TMEM65: variants seen among roughly 807,000 people sequenced by gnomAD.
TMEM65 encodes transmembrane protein 65.
Under a neutral mutation model 25.4 loss-of-function variants are expected in TMEM65, and 22 were observed. The observed-to-expected ratio is 0.86, with a 90% confidence interval of 0.62 to 1.23. TMEM65 has a LOEUF of 1.23. Ranked by LOEUF, TMEM65 falls within the 50% of genes most tolerant of loss-of-function variation. TMEM65 has a pLI of 0.00. For synonymous variants in TMEM65, 132 were observed against 126.2 expected, an observed-to-expected ratio of 1.05 and a Z score of -0.31; for missense variants, 262 against 308.2, an observed-to-expected ratio of 0.85 and a Z score of 1.12.
chr8:124,337,567 T>A (rs572511724), intron 1 of TMEM65, among the ~76,000 whole-genome samples: 2 of 152,154 alleles, frequency 1.3e-5, no homozygotes, highest in African/African-American at 2.4e-5. Flanking sequence ...TCTACAAGAA[T>A]CCATGAGATA....
intron 1 of TMEM65, among the ~76,000 whole-genome samples, chr8:124,362,371 G>A (rs886631632): frequency 1.3e-5 from 2 of 151,032 alleles, no homozygotes; most frequent in African/African-American, 4.9e-5. Context: ...AAAGAGAATA[G>A]AAAAAATTGG....
chr8:124,361,828 T>C, intron 1 of TMEM65, among the ~76,000 whole-genome samples: 1 of 151,636 alleles, frequency 6.6e-6, no homozygotes, highest in East Asian at 1.9e-4. Flanking sequence ...AGAGCAAAAC[T>C]CCATCTCAAA....
At position 124,308,922 on chromosome 8, in the gene TMEM65, A is replaced by G. The variant is rs1814125303; in HGVS notation, c.*5038T>C. ...AGCAAAACATCAGACAGAAGTTACA[A>G]TGCATTTTCATAATTACACGTAGTG... On this transcript the variant is annotated 3_prime_UTR_variant, in exon 7 of 7. Transcript: ENST00000297632. The G allele has an allele frequency of 6.6e-6, 1 of 152,196 alleles. No homozygotes were observed. The highest frequency in any genetic ancestry group is 2.4e-5 in the African/African-American group (1 of 41,438). 9.4% of individuals were successfully genotyped at this position (152,196 alleles called of 1,614,324 possible). A position where few individuals can be genotyped will look rare whatever the true frequency, so the allele number is the denominator to read the frequency against.
intron 1 of TMEM65, among the ~76,000 whole-genome samples, chr8:124,368,079 G>A (rs756577217): frequency 1.3e-5 from 2 of 149,372 alleles, no homozygotes; most frequent in Non-Finnish European, 3.0e-5. Flanking sequence ...ACTCTCTGAT[G>A]AGCATTAATT....
chr8:124,334,933 T>C (rs566585796), intron 1 of TMEM65, among the ~76,000 whole-genome samples: 3 of 151,994 alleles, frequency 2.0e-5, no homozygotes, highest in African/African-American at 7.2e-5. Context: ...ATAATAAACC[T>C]GAGTCTCAGG....
At position 124,307,325 on chromosome 8, in the gene TMEM65, C is replaced by T. The variant is rs1814102688; in HGVS notation, c.*6635G>A. ...CCCATATGAAGTCCCGCTAGTGACG[C>T]TGGAAGTGCTCCCAAGGAGCAAAGT... On this transcript the variant is annotated 3_prime_UTR_variant, in exon 7 of 7. Transcript: ENST00000297632. 1 of 152,142 alleles carries T rather than the reference C, an allele frequency of 6.6e-6. No individual in the cohort carries two copies. Among genetic ancestry groups the T allele is most frequent in the Non-Finnish European group, 1.5e-5 (1 of 68,036 alleles). 9.4% of individuals were successfully genotyped at this position (152,142 alleles called of 1,614,324 possible).
At chr8:124,323,951 T>A (rs1202004206) in intron 3 of TMEM65, among the ~76,000 whole-genome samples, 5 of 152,098 alleles carry the variant, frequency 3.3e-5, no homozygotes, top group Non-Finnish European at 5.9e-5. Flanking sequence ...GCCACTGAAT[T>A]TAATGACAGA....
intron 1 of TMEM65, 123 bp from the exon 2 acceptor site, chr8:124,330,915 T>C: frequency 1.1e-6 from 1 of 926,206 alleles, no homozygotes; most frequent in South Asian, 1.6e-5. Flanking sequence ...ATTCATAAAT[T>C]ATCTTTAGGT....
intron 1 of TMEM65, among the ~76,000 whole-genome samples, chr8:124,336,270 AG>A (rs1814505261): frequency 6.6e-6 from 1 of 152,064 alleles, no homozygotes; most frequent in Admixed American, 6.6e-5. Flanking sequence ...TCATACTTGG[AG>A]ATATAAAAGC....
At chr8:124,342,448 AC>A (rs950974936) in intron 1 of TMEM65, among the ~76,000 whole-genome samples, 13 of 152,186 alleles carry the variant, frequency 8.5e-5, no homozygotes, top group African/African-American at 3.1e-4. Flanking sequence ...GCAGATTTTC[AC>A]AGTAGTTCAG....
chr8:124,372,128 G>C lies in TMEM65; in HGVS notation c.30C>G (p.Ser10Arg). The change falls in exon 1 of 7, where the codon AGC becomes AGG. Residue 10 changes from serine (S) to arginine (R), a missense_variant. Coordinates refer to ENST00000297632, the MANE Select transcript of TMEM65 (RefSeq NM_194291.3). MSRLLPLLR[S>R]RTARSLRPGP... ...CCGGCCTCAGGCTGCGCGCGGTCCGGCTCCTCAGCAGCGGCAGCAGCCGGG... is the reference window on the plus strand; with the variant it reads ...CCGGCCTCAGGCTGCGCGCGGTCCGCCTCCTCAGCAGCGGCAGCAGCCGGG... The C allele has an allele frequency of 8.1e-7, 1 of 1,229,312 alleles. No homozygotes were observed. The highest frequency in any genetic ancestry group is 2.0e-5 in the South Asian group (1 of 51,208). The allele number at this position is 1,229,312 out of a possible 1,614,324, so 76.2% of individuals were successfully genotyped here. A position where few individuals can be genotyped will look rare whatever the true frequency, so the allele number is the denominator to read the frequency against.
chr8:124,370,417 G>A (rs933419729), intron 1 of TMEM65, among the ~76,000 whole-genome samples: 2 of 152,186 alleles, frequency 1.3e-5, no homozygotes, highest in Non-Finnish European at 2.9e-5. Flanking sequence ...ATTTTTCCAA[G>A]GAGCATATTT....
intron 1 of TMEM65, among the ~76,000 whole-genome samples, chr8:124,337,510 C>T (rs1814527412): frequency 6.6e-6 from 1 of 151,972 alleles, no homozygotes; most frequent in East Asian, 1.9e-4. Flanking sequence ...GGAAAAGTTG[C>T]TCTTAATAGG....
Position 124,309,445 on chromosome 8 carries a change from A to T in TMEM65, c.*4515T>A, listed in dbSNP as rs938527800. On this transcript the variant is annotated 3_prime_UTR_variant, in exon 7 of 7. Coordinates refer to ENST00000297632, the MANE Select transcript of TMEM65 (RefSeq NM_194291.3). ...GTCAGTAAACATGCAAGAAGTAAGT[A>T]TTAATCTTAATATTTAACTGTTACT... The T allele has an allele frequency of 1.3e-5, 2 of 152,260 alleles. No individual in the cohort carries two copies. The highest frequency in any genetic ancestry group is 2.9e-5 in the Non-Finnish European group (2 of 68,050). The allele number at this position is 152,260 out of a possible 1,614,324, so 9.4% of individuals were successfully genotyped here. A position where few individuals can be genotyped will look rare whatever the true frequency, so the allele number is the denominator to read the frequency against.
chr8:124,364,871 T>C (rs1365649673), intron 1 of TMEM65, among the ~76,000 whole-genome samples: 2 of 151,864 alleles, frequency 1.3e-5, no homozygotes, highest in Non-Finnish European at 2.9e-5. Flanking sequence ...TTGGGCAAGA[T>C]GCTAATAAAA....
intron 1 of TMEM65, among the ~76,000 whole-genome samples, chr8:124,360,966 A>C (rs1291986397): frequency 6.6e-6 from 1 of 152,256 alleles, no homozygotes; most frequent in African/African-American, 2.4e-5. Flanking sequence ...TCAGTTATAT[A>C]TAATTCATTC....
chr8:124,368,368 A>G (rs1814968224), intron 1 of TMEM65, among the ~76,000 whole-genome samples: 1 of 148,934 alleles, frequency 6.7e-6, no homozygotes, highest in Non-Finnish European at 1.5e-5. Context: ...GATGAGCATT[A>G]ATTACACCAC....
chr8:124,355,306 T>A (rs17369737), intron 1 of TMEM65, among the ~76,000 whole-genome samples: 1 of 152,062 alleles, frequency 6.6e-6, no homozygotes, highest in African/African-American at 2.4e-5. Flanking sequence ...GCACATAAAA[T>A]TCAGCCAGTT....
Position 124,371,906 on chromosome 8 carries a change from C to A in TMEM65, c.252G>T (p.Arg84Ser). ...GGTGCAGCTCTTTGAGCAGGCAGCT[C>A]CTCTCCGTGGAGTGCAGGCTGTAGA... ...DFIYSLHSTE[R>S]SCLLKELHRF... The change falls in exon 1 of 7, where the codon AGG (arginine) becomes AGT (serine). Residue 84 changes from arginine to serine, a missense_variant. Physicochemically the swap from Arg to Ser is moderately radical, Grantham distance 110. Transcript: ENST00000297632. 1.3e-6 allele frequency: 2 copies of A among 1,550,086 alleles called. No homozygotes were observed. Among genetic ancestry groups the A allele is most frequent in the Non-Finnish European group, 8.7e-7 (1 of 1,152,360 alleles).
Sources: gnomAD v4.1 joint callset for allele counts (sites outside exome capture counted in the v4.1 genomes callset) on GRCh38, gnomAD v4.1.1 for gene constraint, MANE v1.5 for transcripts, NCBI Gene and HGNC (gene_info 2026-07-23, HGNC 2026-07-21) for gene names.